The following TASP1 variants were observed in gnomAD, a reference collection of about 807,000 sequenced individuals.
TASP1 encodes the protein taspase 1.
Under a neutral mutation model 56.6 loss-of-function variants are expected in TASP1, and 16 were observed. The observed-to-expected ratio is 0.28, with a 90% CI of 0.19 to 0.43. The LOEUF (loss-of-function observed/expected upper bound fraction) is 0.43. Among genes scored for constraint, TASP1 ranks in the 20% least tolerant of loss-of-function variants. TASP1 has a pLI of 1.00. For missense variants in TASP1, 393 were observed against 511.6 expected, an observed-to-expected ratio of 0.77 and a Z score of 2.24; for synonymous variants, 179 against 184.2, an observed-to-expected ratio of 0.97 and a Z score of 0.23.
chr20:13,258,209 ATCAACAG>A, the TASP1 span, among the ~76,000 whole-genome samples: 24 of 152,208 alleles, frequency 1.6e-4, no homozygotes, highest in Middle Eastern at 0.014. Flanking sequence ...CATGTATTAC[ATCAACAG>A]GCTCCCTTGC....
intron 11 of TASP1, among the ~76,000 whole-genome samples, chr20:13,474,572 T>C (rs571957159): frequency 6.6e-5 from 10 of 152,332 alleles, no homozygotes; most frequent in African/African-American, 2.2e-4. Context: ...TGTTTGCAAT[T>C]ATAAATTGTG....
At chr20:13,280,706 G>GT in the TASP1 span, among the ~76,000 whole-genome samples, 1 of 152,178 alleles carries the variant, frequency 6.6e-6, no homozygotes, top group Non-Finnish European at 1.5e-5. Flanking sequence ...CAGCCTGGAG[G>GT]TGACACACAT....
the TASP1 span, among the ~76,000 whole-genome samples, chr20:13,214,937 T>G: frequency 6.6e-6 from 1 of 152,206 alleles, no homozygotes; most frequent in Admixed American, 6.5e-5. Context: ...TTATATTAAT[T>G]TTCAAAGGCA....
the TASP1 span, among the ~76,000 whole-genome samples, chr20:13,306,663 C>T: frequency 2.7e-5 from 4 of 150,398 alleles, no homozygotes; most frequent in African/African-American, 9.8e-5. Flanking sequence ...TCTGTGTTAT[C>T]AACATAAGTA....
At chr20:13,355,317 T>C in the TASP1 span, among the ~76,000 whole-genome samples, 1 of 152,160 alleles carries the variant, frequency 6.6e-6, no homozygotes, top group African/African-American at 2.4e-5. Flanking sequence ...TCCTGGGATA[T>C]AGATCAGAGA....
At chr20:13,344,110 C>T in the TASP1 span, among the ~76,000 whole-genome samples, 1 of 152,024 alleles carries the variant, frequency 6.6e-6, no homozygotes, top group Non-Finnish European at 1.5e-5. Flanking sequence ...ATTCTCTTTT[C>T]TAGTATTTAA....
At chr20:13,214,562 C>CACACACACAG in the TASP1 span, among the ~76,000 whole-genome samples, 1 of 111,302 alleles carries the variant, frequency 9.0e-6, no homozygotes, top group African/African-American at 3.3e-5. Context: ...CACACACACA[C>CACACACACAG]AGAGAGAGAG....
chr20:13,206,152 A>AGG, the TASP1 span, among the ~76,000 whole-genome samples: 1 of 152,012 alleles, frequency 6.6e-6, no homozygotes, highest in African/African-American at 2.4e-5. Flanking sequence ...CAGAATCCTG[A>AGG]GGGGAGCTGG....
chr20:13,489,134 T>G (rs2043430277), intron 10 of TASP1, among the ~76,000 whole-genome samples: 1 of 152,036 alleles, frequency 6.6e-6, no homozygotes, highest in Non-Finnish European at 1.5e-5. Flanking sequence ...CAAACCTAGG[T>G]GAAAGGAACA....
intron 10 of TASP1, among the ~76,000 whole-genome samples, chr20:13,519,022 T>G (rs1177512137): frequency 6.6e-6 from 1 of 152,044 alleles, no homozygotes; most frequent in African/African-American, 2.4e-5. Flanking sequence ...AAATATCCCT[T>G]GCAGCAACAT....
chr20:13,431,847 T>A (rs140249639), intron 12 of TASP1, among the ~76,000 whole-genome samples: 1 of 152,242 alleles, frequency 6.6e-6, no homozygotes, highest in East Asian at 1.9e-4. Flanking sequence ...AAGAGAGACC[T>A]GAGCTAGCAC....
At chr20:13,143,742 G>A in the TASP1 span, among the ~76,000 whole-genome samples, 267 of 152,318 alleles carry the variant, frequency 1.8e-3, 1 homozygote, top group Middle Eastern at 0.014. Context: ...GGGGCTTCCT[G>A]GTGGCCACCT....
At chr20:13,184,577 T>C in the TASP1 span, among the ~76,000 whole-genome samples, 1,524 of 152,342 alleles carry the variant, frequency 0.01, 8 homozygotes, top group Non-Finnish European at 0.017. Flanking sequence ...TTTCTGCCAC[T>C]GTGGTATTAT....
chr20:13,501,143 G>A (rs573041589), intron 10 of TASP1, among the ~76,000 whole-genome samples: 22 of 152,038 alleles, frequency 1.4e-4, no homozygotes, highest in Admixed American at 5.2e-4. Flanking sequence ...CAAAAGCAAA[G>A]GGGAAGTAAA....
the TASP1 span, among the ~76,000 whole-genome samples, chr20:13,115,332 A>C: frequency 2.6e-5 from 4 of 152,160 alleles, no homozygotes; most frequent in African/African-American, 9.7e-5. Flanking sequence ...CATTAACTCC[A>C]AAAGTCAGCA....
chr20:13,113,711 G>A, the TASP1 span, among the ~76,000 whole-genome samples: 1 of 152,170 alleles, frequency 6.6e-6, no homozygotes, highest in Non-Finnish European at 1.5e-5. Context: ...GGTCATATAA[G>A]CTAGTGTTGG....
At chr20:13,253,741 T>A in the TASP1 span, among the ~76,000 whole-genome samples, 1 of 152,208 alleles carries the variant, frequency 6.6e-6, no homozygotes, top group South Asian at 2.1e-4. Flanking sequence ...ATGAATTAAA[T>A]TAATAACTCA....
chr20:13,550,666 A>G (rs1478120606), intron 8 of TASP1, among the ~76,000 whole-genome samples: 1 of 152,154 alleles, frequency 6.6e-6, no homozygotes, highest in Non-Finnish European at 1.5e-5. Context: ...CAGACCATGC[A>G]AAGTCAATTT....
chr20:13,244,031 G>A, the TASP1 span: 14 of 152,328 alleles, frequency 9.2e-5, no homozygotes, highest in African/African-American at 3.4e-4. Context: ...GTAGGCACTG[G>A]TGATTCATCT....
Sources: allele counts gnomAD v4.1 joint callset (sites outside exome capture counted in the v4.1 genomes callset), GRCh38; gene constraint gnomAD v4.1.1; transcripts MANE v1.5; gene names NCBI Gene and HGNC (gene_info 2026-07-23, HGNC 2026-07-21).